AIM2: variants seen among roughly 807,000 people sequenced by gnomAD.
AIM2 encodes interferon-inducible protein AIM2.
In AIM2, 30 loss-of-function variants were observed where a neutral mutation model predicts 27.7. That is an observed-to-expected ratio of 1.08 (90% CI 0.81 to 1.47). AIM2 has a LOEUF of 1.47. Ranked by LOEUF, AIM2 falls within the 40% of genes most tolerant of loss-of-function variation. The pLI is 0.00. For missense variants in AIM2, 358 were observed against 411.3 expected (o/e 0.87, Z 1.12); for synonymous variants, 141 against 145.3 (o/e 0.97, Z 0.21).
At chr1:159,097,485 T>A (rs1261946269) in intron 1 of AIM2, among the ~76,000 whole-genome samples, 1 of 152,074 alleles carries the variant, frequency 6.6e-6, no homozygotes, top group South Asian at 2.1e-4. Flanking sequence ...TTCACAGCCA[T>A]AATGAAGAGC....
chr1:159,142,149 G>A (rs138263544), upstream of AIM2, among the ~76,000 whole-genome samples: 5 of 152,198 alleles, frequency 3.3e-5, no homozygotes, highest in East Asian at 9.7e-4. Flanking sequence ...GAAAACCCTC[G>A]ATCCCAGAGA....
chr1:159,135,508 CACTTGA>C (rs1647996816), intron 1 of AIM2, among the ~76,000 whole-genome samples: 1 of 152,222 alleles, frequency 6.6e-6, no homozygotes, highest in Admixed American at 6.5e-5. Context: ...TAGTACAGGC[CACTTGA>C]GGCCCGGCTT....
chr1:159,138,965 A>C (rs1232763666), intron 1 of AIM2, among the ~76,000 whole-genome samples: 1 of 152,254 alleles, frequency 6.6e-6, no homozygotes, highest in African/African-American at 2.4e-5. Context: ...TACAGTAATT[A>C]TGATATTCAT....
intron 1 of AIM2, among the ~76,000 whole-genome samples, chr1:159,106,566 G>C (rs1657452043): frequency 6.6e-6 from 1 of 152,208 alleles, no homozygotes; most frequent in South Asian, 2.1e-4. Context: ...TCAGATCTGG[G>C]TGGAAAATGA....
At position 159,107,331 on chromosome 1, in the gene AIM2, T is replaced by TGTGTGC. The variant is rs1337639775; in HGVS notation, c.-16+33099_-16+33100insGCACAC. Among the ~76,000 whole-genome samples, 402 of 150,260 alleles carry TGTGTGC rather than the reference T, an allele frequency of 2.7e-3. 2 individuals carry two copies. Among genetic ancestry groups the TGTGTGC allele is most frequent in the African/African-American group, 9.4e-3 (386 of 40,980 alleles). ...ATGTGTGTGTGTGTGTGTGTGTGTGTGCGCGCACTATAGCATGTTACTGAA... is the reference window on the plus strand; with the variant it reads ...ATGTGTGTGTGTGTGTGTGTGTGTGTGTGTGCGCGCGCACTATAGCATGTTACTGAA... On this transcript the variant is annotated intron_variant, in intron 1 of 2. Coordinates refer to the AIM2 transcript ENST00000368129.
chr1:159,063,549 G>A lies in AIM2; in HGVS notation c.942C>T (p.Phe314=), dbSNP rs1218391649. 1.2e-6 allele frequency: 2 copies of A among 1,614,056 alleles called. No homozygotes were observed. The highest frequency in any genetic ancestry group is 1.7e-6 in the Non-Finnish European group (2 of 1,179,964). ...TTTCTCCATTTTTTGACAGTGTGAA[G>A]AATGTAAGTCGAACCTTATCTCCTT... ...CKEGDKVRLT[F]FTLSKNGEKL... Residue 314 remains phenylalanine, a synonymous_variant, in exon 5 of 6, where the codon TTC becomes TTT. Transcript: ENST00000368130.
chr1:159,065,323 C>T (rs1036418712), intron 4 of AIM2, among the ~76,000 whole-genome samples: 6 of 152,190 alleles, frequency 3.9e-5, no homozygotes, highest in African/African-American at 7.2e-5. Flanking sequence ...TCTGCCCGGC[C>T]GCCGTGCAAC....
At chr1:159,055,359 G>C in the AIM2 span, among the ~76,000 whole-genome samples, 1 of 152,186 alleles carries the variant, frequency 6.6e-6, no homozygotes, top group East Asian at 1.9e-4. Context: ...ATAAGTAAGC[G>C]TGAAATCCAG....
At chr1:159,063,782 T>C (rs1011563720) in intron 4 of AIM2, 108 bp from the exon 5 acceptor site, 43 of 1,177,938 alleles carry the variant, frequency 3.7e-5, no homozygotes, top group Non-Finnish European at 5.1e-5. Flanking sequence ...ATCAGTTGAT[T>C]CTTGAACAAC....
chr1:159,064,622 C>A (rs943396504), intron 4 of AIM2, among the ~76,000 whole-genome samples: 1 of 152,182 alleles, frequency 6.6e-6, no homozygotes, highest in Admixed American at 6.5e-5. Flanking sequence ...TCCGCCAATA[C>A]ACCCGGCTAA....
Position 159,066,169 on chromosome 1 carries a change from T to G in AIM2, c.557A>C (p.Glu186Ala). ...MFHATVATEK[E>A]FFFVKVFNTL... ...ATTAAAAACTTTTACAAAGAAGAAT[T>G]CCTTTTCTGTAGCCACTGTAGCATG... The change falls in exon 4 of 6, where the codon GAA (glutamate) becomes GCA (alanine). Residue 186 changes from glutamate to alanine, a missense_variant. Physicochemically the swap from Glu to Ala is moderately radical, Grantham distance 107 (BLOSUM62 -1). Transcript: ENST00000368130. The G allele has an allele frequency of 1.2e-6, 2 of 1,614,234 alleles. No homozygotes were observed. The highest frequency in any genetic ancestry group is 8.5e-7 in the Non-Finnish European group (1 of 1,180,036).
intron 1 of AIM2, among the ~76,000 whole-genome samples, chr1:159,119,776 A>ATG (rs139839328): frequency 7.9e-5 from 12 of 151,372 alleles, no homozygotes; most frequent in African/African-American, 2.7e-4. Flanking sequence ...CCCCCACCCT[A>ATG]TGTGTGTGTG....
intron 5 of AIM2, among the ~76,000 whole-genome samples, chr1:159,063,020 G>A (rs1438043502): frequency 6.6e-6 from 1 of 152,126 alleles, no homozygotes; most frequent in Admixed American, 6.5e-5. Flanking sequence ...ACCAAGTAGT[G>A]GCAGGACACG....
At chr1:159,106,820 T>C (rs1265065126) in intron 1 of AIM2, among the ~76,000 whole-genome samples, 1 of 152,260 alleles carries the variant, frequency 6.6e-6, no homozygotes, top group Non-Finnish European at 1.5e-5. Flanking sequence ...AAGTCCTTAG[T>C]TTCTCTGGGC....
intron 1 of AIM2, among the ~76,000 whole-genome samples, chr1:159,126,052 C>T (rs1406879281): frequency 1.3e-5 from 2 of 152,188 alleles, no homozygotes; most frequent in Non-Finnish European, 2.9e-5. Context: ...ATTCTAGACC[C>T]TCGAAAGCTG....
chr1:159,143,669 C>A (rs191948912), upstream of AIM2, among the ~76,000 whole-genome samples: 155 of 151,852 alleles, frequency 1.0e-3, 2 homozygotes, highest in Admixed American at 0.01. Flanking sequence ...TCCAAGAAAT[C>A]TATCAGCCCC....
chr1:159,111,961 G>C (rs1657587056), intron 1 of AIM2, among the ~76,000 whole-genome samples: 1 of 151,978 alleles, frequency 6.6e-6, no homozygotes, highest in Admixed American at 6.6e-5. Context: ...AGAAGCACTT[G>C]AACCTAGGAG....
intron 1 of AIM2, among the ~76,000 whole-genome samples, chr1:159,084,551 C>T (rs1329741633): frequency 6.6e-6 from 1 of 152,190 alleles, no homozygotes; most frequent in African/African-American, 2.4e-5. Context: ...GCGGGGGAAT[C>T]GCTTGAAGCC....
chr1:159,121,414 T>C (rs7523952), intron 1 of AIM2, among the ~76,000 whole-genome samples: 6,048 of 152,334 alleles, frequency 0.04, 138 homozygotes, highest in Middle Eastern at 0.054. Context: ...ACACAATTTA[T>C]ATAAATGTAT....
Sources: gnomAD v4.1 joint callset for allele counts (sites outside exome capture counted in the v4.1 genomes callset) on GRCh38, gnomAD v4.1.1 for gene constraint, MANE v1.5 for transcripts, NCBI Gene and HGNC (gene_info 2026-07-23, HGNC 2026-07-21) for gene names.